Variants in IQGAP2 observed in about 807,000 individuals in gnomAD.
IQGAP2 encodes the protein ras GTPase-activating-like protein IQGAP2.
A neutral mutation model predicts 201.3 loss-of-function variants in IQGAP2; 173 were observed. That is an observed-to-expected ratio of 0.86 (90% CI 0.76 to 0.98). The LOEUF (loss-of-function observed/expected upper bound fraction) is 0.98, where lower values mean the gene tolerates loss of function less well. Among genes scored for constraint, IQGAP2 ranks in the 50% least tolerant of loss-of-function variants. The pLI is 0.00. For missense variants in IQGAP2, 1,687 were observed against 1,864.8 expected, an observed-to-expected ratio of 0.90 and a Z score of 1.76; for synonymous variants, 675 against 673.9, an observed-to-expected ratio of 1.00 and a Z score of -0.03.
At chr5:76,536,497 C>T (rs1035708473) in intron 2 of IQGAP2, among the ~76,000 whole-genome samples, 7 of 152,002 alleles carry the variant, frequency 4.6e-5, no homozygotes, top group African/African-American at 1.7e-4. Context: ...CGGTGGCTCA[C>T]GCCTGTAATC....
intron 17 of IQGAP2, among the ~76,000 whole-genome samples, chr5:76,651,265 T>C (rs964288456): frequency 3.3e-5 from 5 of 152,242 alleles, no homozygotes; most frequent in African/African-American, 7.2e-5. Flanking sequence ...TCATAATTTT[T>C]ATCTCTATGC....
intron 2 of IQGAP2, among the ~76,000 whole-genome samples, chr5:76,543,466 C>T (rs775477744): frequency 6.6e-6 from 1 of 152,224 alleles, no homozygotes. Flanking sequence ...TGCCTTCACT[C>T]TCAGGCATCA....
rs1178365983 is a variant in IQGAP2, at chr5:76,532,153, TTTGTA to T, written c.147-30242_147-30238del. ...TGCGGGCAACCATTGCTATCAATGT[TTTGTA>T]ATCATTTTCTGTGTGTTTATGTAAA... is the stretch of plus-strand genomic sequence containing the variant. On this transcript the variant is annotated intron_variant, in intron 2 of 35. Coordinates refer to ENST00000274364, the MANE Select transcript of IQGAP2 (RefSeq NM_006633.5). 2.0e-5 allele frequency among the ~76,000 whole-genome samples: 3 copies of T among 152,180 alleles called. No individual in the cohort carries two copies. In the South Asian group the frequency reaches 6.2e-4, roughly 32 times the overall value.
At chr5:76,680,382 T>A (rs1745172793) in intron 28 of IQGAP2, among the ~76,000 whole-genome samples, 1 of 152,168 alleles carries the variant, frequency 6.6e-6, no homozygotes, top group South Asian at 2.1e-4. Flanking sequence ...TATAGATCTC[T>A]TCAAAATAAG....
chr5:76,683,140 T>C lies in IQGAP2; in HGVS notation c.3686T>C (p.Ile1229Thr), dbSNP rs767018839. 6.8e-6 allele frequency: 11 copies of C among 1,611,976 alleles called. No individual in the cohort carries two copies. The South Asian group carries it at 1.1e-4, about 16-fold the overall frequency. ...HSLLLEHQDA[I>T]APEKNDLLSE... Reference sequence around the variant, plus strand: ...CTCCTGTTGGAACACCAGGATGCAATTGCCCCTGAGAAAAATGACTTACTG... The same window carrying C: ...CTCCTGTTGGAACACCAGGATGCAACTGCCCCTGAGAAAAATGACTTACTG... The change falls in exon 29 of 36, where the codon ATT (isoleucine) becomes ACT (threonine). Residue 1229 changes from isoleucine to threonine, a missense_variant. Coordinates refer to ENST00000274364, the MANE Select transcript of IQGAP2 (RefSeq NM_006633.5).
chr5:76,683,692 C>G, intron 29 of IQGAP2, 84 bp from the exon 30 acceptor site: 1 of 1,303,318 alleles, frequency 7.7e-7, no homozygotes, highest in Non-Finnish European at 1.0e-6. Context: ...GCCTATCTTT[C>G]CCACAGAACC....
chr5:76,403,569 G>T lies in IQGAP2; in HGVS notation c.24G>T (p.Ser8=). Residue 8 remains serine, a synonymous_variant, in exon 1 of 36, where the codon TCG becomes TCT. Coordinates refer to ENST00000274364, the MANE Select transcript of IQGAP2 (RefSeq NM_006633.5). This position sits in a 1 kb window ranked among gnomAD's most constrained non-coding sequence, Gnocchi z 4.8. ...GGATGCCACACGAAGAGCTGCCGTC[G>T]CTGCAGAGACCCCGCTATGGCTGTA... MPHEELP[S]LQRPRYGSIV... 1 of 1,540,902 alleles carries T rather than the reference G, an allele frequency of 6.5e-7. No homozygotes were observed. Among genetic ancestry groups the T allele is most frequent in the Non-Finnish European group, 8.7e-7 (1 of 1,149,348 alleles).
Position 76,673,051 on chromosome 5 carries a change from A to G in IQGAP2, c.3069-398A>G, listed in dbSNP as rs149534341. Among the ~76,000 whole-genome samples the G allele has an allele frequency of 6.5e-3, 992 of 152,162 alleles. 6 individuals are homozygous for G. Among genetic ancestry groups the G allele is most frequent in the African/African-American group, 0.022 (927 of 41,522 alleles). ...GCACATGTACCCTAAAACTTAAAGT[A>G]TAATAATAATAAAATAAAAAATAAT... is the stretch of plus-strand genomic sequence containing the variant. On this transcript the variant is annotated intron_variant, in intron 24 of 35. Coordinates refer to ENST00000274364, the MANE Select transcript of IQGAP2 (RefSeq NM_006633.5).
intron 23 of IQGAP2, 63 bp from the exon 24 acceptor site, chr5:76,671,689 GAAAAAAA>G (rs34357630): frequency 6.6e-5 from 54 of 812,562 alleles, no homozygotes; most frequent in Admixed American, 8.6e-5. Flanking sequence ...CTGTCTCGGG[GAAAAAAA>G]AAAAAAAAAA....
intron 1 of IQGAP2, among the ~76,000 whole-genome samples, chr5:76,447,243 G>A (rs1490985960): frequency 6.6e-6 from 1 of 152,174 alleles, no homozygotes; most frequent in African/African-American, 2.4e-5. Context: ...TAAACACGAG[G>A]CTTGCAACTT....
intron 4 of IQGAP2, among the ~76,000 whole-genome samples, chr5:76,575,229 T>A (rs1431443429): frequency 1.3e-5 from 2 of 151,970 alleles, no homozygotes. Context: ...TTTAAATGTG[T>A]GTGTGTGTGT....
At chr5:76,628,007 A>G (rs551628919) in intron 14 of IQGAP2, among the ~76,000 whole-genome samples, 5 of 152,334 alleles carry the variant, frequency 3.3e-5, no homozygotes, top group South Asian at 2.1e-4. Context: ...TCTACCTTGA[A>G]TCATAAAAAT....
chr5:76,624,573 A>T (rs1580651813), intron 13 of IQGAP2: 1 of 152,256 alleles, frequency 6.6e-6, no homozygotes, highest in East Asian at 1.9e-4. Context: ...AAAACCTAAA[A>T]TATTGACAAA....
At chr5:76,587,174 A>C (rs1404698101) in intron 5 of IQGAP2, among the ~76,000 whole-genome samples, 1 of 152,218 alleles carries the variant, frequency 6.6e-6, no homozygotes, top group Non-Finnish European at 1.5e-5. Flanking sequence ...CCAAAGGTCA[A>C]ATTCTCATAT....
At chr5:76,429,584 A>T (rs1001597105) in intron 1 of IQGAP2, among the ~76,000 whole-genome samples, 7 of 125,130 alleles carry the variant, frequency 5.6e-5, no homozygotes, top group South Asian at 2.5e-4. Flanking sequence ...AAAAAAATTT[A>T]TATATATATA....
intron 2 of IQGAP2, among the ~76,000 whole-genome samples, chr5:76,496,055 A>C (rs1348581483): frequency 6.6e-6 from 1 of 152,212 alleles, no homozygotes; most frequent in African/African-American, 2.4e-5. Flanking sequence ...TCTTATGAAG[A>C]GCAGCCCTCA....
In IQGAP2 at chr5:76,637,141, T is replaced by C; in HGVS notation, c.1888T>C (p.Tyr630His). 6.2e-7 allele frequency: 1 copy of C among 1,609,648 alleles called. No homozygotes were observed. Among genetic ancestry groups the C allele is most frequent in the Non-Finnish European group, 8.5e-7 (1 of 1,177,958 alleles). Residue 630 changes from tyrosine (Y) to histidine (H), a missense_variant, in exon 16 of 36, where the codon TAT becomes CAT. Transcript: ENST00000274364. ...CTGGGTCACACCTGAATCATGCTTG[T>C]ATAAAGAATCATGGCTCACAGGAAA... Reference protein sequence around the residue: ...SSWVTPESCLYKESWLTGKEI... With the variant: ...SSWVTPESCLHKESWLTGKEI...
chr5:76,683,747 A>G (rs751819428), intron 29 of IQGAP2, 29 bp from the exon 30 acceptor site: 6 of 1,593,286 alleles, frequency 3.8e-6, no homozygotes, highest in Non-Finnish European at 4.3e-6. Flanking sequence ...AGTGAATTGG[A>G]AAAATAACAC....
At chr5:76,477,628 T>G in intron 2 of IQGAP2, among the ~76,000 whole-genome samples, 1 of 152,238 alleles carries the variant, frequency 6.6e-6, no homozygotes, top group East Asian at 1.9e-4. Context: ...TATGTTTTTA[T>G]GTTATTTTTA....
Sources: allele counts gnomAD v4.1 joint callset (sites outside exome capture counted in the v4.1 genomes callset), GRCh38; gene constraint gnomAD v4.1.1; non-coding constraint Gnocchi (gnomAD v3.1); transcripts MANE v1.5; gene names NCBI Gene and HGNC (gene_info 2026-07-23, HGNC 2026-07-21).